Variants in BCAS3 observed in about 807,000 individuals in gnomAD.
BCAS3 encodes the protein BCAS3 microtubule associated cell migration factor, also known as BCAS4/BCAS3 fusion.
In BCAS3, 53 loss-of-function variants were observed where a neutral mutation model predicts 116.1. The ratio of observed to expected loss-of-function variants is 0.46; its 90% CI spans 0.37 to 0.57. The LOEUF (loss-of-function observed/expected upper bound fraction) is 0.57, where lower values mean the gene tolerates loss of function less well. Ranked by LOEUF, BCAS3 falls within the 20% of genes least tolerant of loss-of-function variation. BCAS3 has a pLI of 0.00. For missense variants in BCAS3, 917 were observed against 1,165.4 expected, an observed-to-expected ratio of 0.79 and a Z score of 3.10; for synonymous variants, 391 against 408.2, an observed-to-expected ratio of 0.96 and a Z score of 0.51.
At chr17:61,236,828 G>GAATCTTTA (rs1225608712) in intron 22 of BCAS3, among the ~76,000 whole-genome samples, 1 of 152,030 alleles carries the variant, frequency 6.6e-6, no homozygotes, top group Admixed American at 6.6e-5. Flanking sequence ...AAGTAGGATT[G>GAATCTTTA]AATCTTTAAA....
At chr17:60,947,103 G>A in intron 13 of BCAS3, 116 bp from the exon 14 acceptor site, 2 of 1,032,302 alleles carry the variant, frequency 1.9e-6, no homozygotes, top group Non-Finnish European at 1.4e-6. Flanking sequence ...GTTTCTTATA[G>A]CCTTGGTAAT....
chr17:60,779,391 C>T (rs1158835912), intron 6 of BCAS3, among the ~76,000 whole-genome samples: 4 of 137,468 alleles, frequency 2.9e-5, no homozygotes, highest in Admixed American at 2.2e-4. Flanking sequence ...TTTTTTGAGG[C>T]GGAGCTTTGC....
chr17:60,736,238 G>A (rs2144192991), intron 5 of BCAS3, among the ~76,000 whole-genome samples: 1 of 151,810 alleles, frequency 6.6e-6, no homozygotes, highest in East Asian at 1.9e-4. Flanking sequence ...GGTTTGATTT[G>A]CTAGTATTTT....
At chr17:61,031,391 A>G (rs1389494957) in intron 16 of BCAS3, among the ~76,000 whole-genome samples, 1 of 152,068 alleles carries the variant, frequency 6.6e-6, no homozygotes, top group East Asian at 1.9e-4. Flanking sequence ...TGTCACTGGC[A>G]TATTGCTAGA....
chr17:60,817,509 A>G (rs1044586545), intron 7 of BCAS3, among the ~76,000 whole-genome samples: 1 of 152,208 alleles, frequency 6.6e-6, no homozygotes, highest in Non-Finnish European at 1.5e-5. Context: ...TATGACCTTT[A>G]TGTAGAGAGA....
chr17:61,010,336 C>G (rs2065025472), intron 15 of BCAS3, among the ~76,000 whole-genome samples: 1 of 151,878 alleles, frequency 6.6e-6, no homozygotes, highest in African/African-American at 2.4e-5. Context: ...GTAAACAGAT[C>G]ACACCATGTC....
intron 22 of BCAS3, among the ~76,000 whole-genome samples, chr17:61,159,726 G>A (rs1325254772): frequency 6.6e-6 from 1 of 152,074 alleles, no homozygotes; most frequent in East Asian, 1.9e-4. Flanking sequence ...TTTGTGTTTT[G>A]TTTTGTTTTT....
intron 23 of BCAS3, among the ~76,000 whole-genome samples, chr17:61,374,108 TC>T (rs1263524857): frequency 2.0e-5 from 3 of 147,338 alleles, no homozygotes; most frequent in Non-Finnish European, 3.0e-5. Flanking sequence ...GAACCGCAGT[TC>T]CTGGCCCCCA....
chr17:60,741,919 A>G (rs1305656010), intron 5 of BCAS3, among the ~76,000 whole-genome samples: 1 of 152,208 alleles, frequency 6.6e-6, no homozygotes, highest in Non-Finnish European at 1.5e-5. Flanking sequence ...GTTTACATCA[A>G]TATTCTTTAT....
chr17:60,764,313 C>G (rs8080115), intron 6 of BCAS3, among the ~76,000 whole-genome samples: 41,661 of 151,924 alleles, frequency 0.27, 11,422 homozygotes, highest in African/African-American at 0.71. Flanking sequence ...GATCTTTCCT[C>G]CTTTCTCTTG....
At chr17:60,911,759 G>T (rs77867281) in intron 12 of BCAS3, among the ~76,000 whole-genome samples, 27,850 of 152,106 alleles carry the variant, frequency 0.18, 2,839 homozygotes, top group African/African-American at 0.28. Flanking sequence ...TTAAAGGCAG[G>T]ACCATACCTA....
chr17:60,724,262 A>G (rs1360545008), intron 5 of BCAS3, among the ~76,000 whole-genome samples: 1 of 151,212 alleles, frequency 6.6e-6, no homozygotes, highest in Non-Finnish European at 1.5e-5. Context: ...TTCGCTACTG[A>G]AAATACAAAA....
rs1289712454 is a variant in BCAS3, at chr17:61,004,053, G to A, written c.1487-11698G>A. On this transcript the variant is annotated intron_variant, in intron 15 of 23. Coordinates refer to ENST00000407086, the MANE Select transcript of BCAS3 (RefSeq NM_017679.5). This position sits in a 1 kb window ranked among gnomAD's most constrained non-coding sequence, Gnocchi z 4.8. ...AATAAACTTAGAAGTTAGTTTTCAA[G>A]GAGTTGAAGGAGTTAACATTATTTT... Among the ~76,000 whole-genome samples the A allele has an allele frequency of 6.6e-6, 1 of 152,132 alleles. No individual in the cohort carries two copies. The highest frequency in any genetic ancestry group is 1.5e-5 in the Non-Finnish European group (1 of 68,018).
At chr17:60,912,090 C>G (rs1353128528) in intron 12 of BCAS3, among the ~76,000 whole-genome samples, 1 of 152,006 alleles carries the variant, frequency 6.6e-6, no homozygotes, top group African/African-American at 2.4e-5. Flanking sequence ...CTCATAAACT[C>G]TATTTTCTTT....
intron 19 of BCAS3, among the ~76,000 whole-genome samples, chr17:61,057,674 C>CTT (rs540006121): frequency 1.4e-4 from 20 of 146,386 alleles, no homozygotes; most frequent in Admixed American, 4.1e-4. Flanking sequence ...TGTCTTGTTA[C>CTT]TTTTTTTTTT....
chr17:61,389,745 C>T (rs911103057), intron 23 of BCAS3: 1 of 152,242 alleles, frequency 6.6e-6, no homozygotes, highest in Non-Finnish European at 1.5e-5. Context: ...TCTTGTAAGC[C>T]CCTGGGTGGC....
At chr17:61,109,068 C>T (rs1349155949) in intron 22 of BCAS3, among the ~76,000 whole-genome samples, 2 of 151,882 alleles carry the variant, frequency 1.3e-5, no homozygotes, top group African/African-American at 4.8e-5. Flanking sequence ...TGCCTGTAAT[C>T]CCAGCTACTC....
chr17:60,843,465 C>T (rs971423723), intron 7 of BCAS3, among the ~76,000 whole-genome samples: 9 of 152,152 alleles, frequency 5.9e-5, no homozygotes, highest in Non-Finnish European at 1.2e-4. Context: ...GTGATCCACC[C>T]GACTCGGCCT....
Position 61,380,837 on chromosome 17 carries a change from G to A in BCAS3, c.2594-11140G>A, listed in dbSNP as rs1015580340. Among the ~76,000 whole-genome samples the A allele has an allele frequency of 6.6e-6, 1 of 152,226 alleles. No individual in the cohort carries two copies. The highest frequency in any genetic ancestry group is 2.4e-5 in the African/African-American group (1 of 41,452). On this transcript the variant is annotated intron_variant, in intron 23 of 23. Transcript: ENST00000407086. This position sits in a 1 kb window ranked among gnomAD's most constrained non-coding sequence, Gnocchi z 4.2. ...GATGGAAGTGAAATTTTCGGACTCT[G>A]CTGTGCAGAGCAGGGAGGTCACTAG...
Sources: gnomAD v4.1 joint callset for allele counts (sites outside exome capture counted in the v4.1 genomes callset) on GRCh38, gnomAD v4.1.1 for gene constraint, Gnocchi (gnomAD v3.1) non-coding constraint, MANE v1.5 for transcripts, NCBI Gene and HGNC (gene_info 2026-07-23, HGNC 2026-07-21) for gene names.